The following UGGT2 variants were observed in gnomAD, a reference collection of about 807,000 sequenced individuals.
UGGT2 encodes UDP-glucose glycoprotein glucosyltransferase 2, also known as UDP-glucose:glycoprotein glucosyltransferase 2.
UGGT2 carries 180 observed loss-of-function variants against 192.1 expected under a neutral mutation model. The observed-to-expected ratio is 0.94, with a 90% CI of 0.83 to 1.06. The LOEUF (loss-of-function observed/expected upper bound fraction) is 1.06, where lower values mean the gene tolerates loss of function less well. UGGT2 is among the 50% of genes least tolerant of loss of function. The pLI, the probability that UGGT2 is intolerant of heterozygous loss-of-function variation, is 0.00. For synonymous variants in UGGT2, 580 were observed against 591.0 expected (o/e 0.98, Z 0.27); for missense variants, 1,849 against 1,795.7 (o/e 1.03, Z -0.54).
Position 95,860,878 on chromosome 13 carries a change from G to A in UGGT2, c.3650C>T (p.Thr1217Ile). 1 of 1,547,736 alleles carries A rather than the reference G, an allele frequency of 6.5e-7. No individual in the cohort carries two copies. The highest frequency in any genetic ancestry group is 8.7e-7 in the Non-Finnish European group (1 of 1,148,704). ...TTTGTTTTCTTTATGCAAGCTTACT[G>A]TGAAACTTGGAATAAAAAAGTAATT... ...KGLWDSIKSF[T>I]VSLHKENKKE... is the part of the protein sequence containing the mutation. Residue 1217 changes from threonine to isoleucine, a missense_variant, in exon 32 of 39, where the codon ACA (threonine) becomes ATA (isoleucine). Coordinates refer to ENST00000376747, the MANE Select transcript of UGGT2 (RefSeq NM_020121.4).
rs369051560 is a variant in UGGT2, at chr13:95,902,916, C to T, written c.2440G>A (p.Ala814Thr). The T allele has an allele frequency of 6.2e-7, 1 of 1,613,454 alleles. No homozygotes were observed. Among genetic ancestry groups the T allele is most frequent in the Non-Finnish European group, 8.5e-7 (1 of 1,179,640 alleles). The change falls in exon 21 of 39, where the codon GCA becomes ACA. Residue 814 changes from alanine to threonine, a missense_variant. Physicochemically the swap from Ala to Thr is moderately conservative, Grantham distance 58 (BLOSUM62 0). Transcript: ENST00000376747. ...ATAGCTGTAGCAATTTCTTCCTTTG[C>T]CAGTTGCCCAAGAAAGCTTCTCAAA... ...MFLRSFLGQL[A>T]KEEIATAIYS...
intron 27 of UGGT2, 95 bp from the exon 28 acceptor site, chr13:95,877,951 A>G: frequency 1.5e-6 from 2 of 1,303,662 alleles, no homozygotes; most frequent in South Asian, 1.6e-5. Context: ...ATATTGGCCA[A>G]TGTATTTTGG....
intron 26 of UGGT2, among the ~76,000 whole-genome samples, chr13:95,885,020 A>G (rs1877475): frequency 0.22 from 32,878 of 152,100 alleles, 3,644 homozygotes; most frequent in East Asian, 0.26. Flanking sequence ...AAATCTGACC[A>G]TGGTCTATTT....
chr13:95,838,154 T>G (rs899897434), intron 36 of UGGT2, among the ~76,000 whole-genome samples: 1 of 152,202 alleles, frequency 6.6e-6, no homozygotes, highest in Non-Finnish European at 1.5e-5. Flanking sequence ...CTTTTCTATA[T>G]ACCAGCAATG....
At chr13:96,015,544 G>A (rs2052308970) in intron 4 of UGGT2, among the ~76,000 whole-genome samples, 1 of 152,122 alleles carries the variant, frequency 6.6e-6, no homozygotes. Flanking sequence ...TATACCTATA[G>A]AGGATGGCTG....
chr13:95,803,865 C>T (rs1884179783), intron 38 of UGGT2, among the ~76,000 whole-genome samples: 1 of 151,028 alleles, frequency 6.6e-6, no homozygotes, highest in African/African-American at 2.4e-5. Flanking sequence ...AGACCAGTAA[C>T]AAAAGAAAAA....
chr13:96,016,905 G>T (rs2052357018), intron 4 of UGGT2, among the ~76,000 whole-genome samples: 1 of 152,200 alleles, frequency 6.6e-6, no homozygotes, highest in African/African-American at 2.4e-5. Flanking sequence ...GTTGTATCCT[G>T]CAAAGTTAGA....
rs756404249 is a variant in UGGT2, at chr13:95,972,601, A to C, written c.1163T>G (p.Met388Arg). Residue 388 changes from methionine (M) to arginine (R), a missense_variant, in exon 11 of 39, where the codon ATG becomes AGG. Transcript: ENST00000376747. ...RLFINGLRVD[M>R]DVYDAFSILD... ...TTACCTAAAAGCGTCATAAACATCC[A>C]TATCAACACGAAGGCCATTTATAAA... 24 of 1,613,322 alleles carry C rather than the reference A, an allele frequency of 1.5e-5. No homozygotes were observed. Among genetic ancestry groups the C allele is most frequent in the Non-Finnish European group, 1.9e-5 (23 of 1,179,598 alleles).
intron 15 of UGGT2, among the ~76,000 whole-genome samples, chr13:95,941,455 C>T (rs1020447209): frequency 2.6e-5 from 4 of 152,056 alleles, no homozygotes; most frequent in Non-Finnish European, 4.4e-5. Flanking sequence ...AACTTTTCTC[C>T]TCCTATCAAA....
At chr13:95,955,704 A>C (rs1313662816) in intron 12 of UGGT2, among the ~76,000 whole-genome samples, 1 of 152,192 alleles carries the variant, frequency 6.6e-6, no homozygotes, top group African/African-American at 2.4e-5. Flanking sequence ...TAGAGGGTCA[A>C]GCCTCCCTAA....
intron 36 of UGGT2, among the ~76,000 whole-genome samples, chr13:95,851,826 C>T (rs1199192095): frequency 6.6e-6 from 1 of 152,110 alleles, no homozygotes; most frequent in East Asian, 1.9e-4. Context: ...AAAATGAATC[C>T]TTTCTTCAGT....
intron 10 of UGGT2, among the ~76,000 whole-genome samples, chr13:95,979,345 A>C (rs1276249910): frequency 6.6e-6 from 1 of 152,104 alleles, no homozygotes; most frequent in Non-Finnish European, 1.5e-5. Flanking sequence ...TTTTTGAATA[A>C]TCTTTGCTTG....
intron 8 of UGGT2, among the ~76,000 whole-genome samples, chr13:95,988,337 C>A (rs1353603507): frequency 6.6e-6 from 1 of 152,038 alleles, no homozygotes; most frequent in Non-Finnish European, 1.5e-5. Flanking sequence ...GACACAAGGC[C>A]AAAATCAGAT....
chr13:96,003,898 A>T (rs1430363558), intron 5 of UGGT2, among the ~76,000 whole-genome samples: 1 of 152,230 alleles, frequency 6.6e-6, no homozygotes, highest in African/African-American at 2.4e-5. Context: ...AAAGCAATTC[A>T]GACACAGACA....
intron 27 of UGGT2, among the ~76,000 whole-genome samples, chr13:95,879,211 C>G (rs920489945): frequency 6.6e-6 from 1 of 152,096 alleles, no homozygotes; most frequent in African/African-American, 2.4e-5. Flanking sequence ...AATACACTTA[C>G]CCAGTTTGTG....
intron 20 of UGGT2, among the ~76,000 whole-genome samples, chr13:95,924,024 C>T (rs564110164): frequency 9.2e-5 from 14 of 152,008 alleles, no homozygotes; most frequent in African/African-American, 2.6e-4. Context: ...TATCTTTTTT[C>T]AATTTTTATA....
chr13:95,988,297 G>C (rs1228474671), intron 8 of UGGT2, among the ~76,000 whole-genome samples: 1 of 152,088 alleles, frequency 6.6e-6, no homozygotes, highest in Non-Finnish European at 1.5e-5. Flanking sequence ...TTTGATCAGG[G>C]ATGTACAAGT....
At chr13:95,876,676 T>C (rs1732834678) in intron 29 of UGGT2, among the ~76,000 whole-genome samples, 1 of 152,174 alleles carries the variant, frequency 6.6e-6, no homozygotes, top group Non-Finnish European at 1.5e-5. Context: ...ATGTAAATTA[T>C]CCTACACTCT....
chr13:96,012,412 T>C (rs1399055569), intron 5 of UGGT2, among the ~76,000 whole-genome samples: 1 of 151,980 alleles, frequency 6.6e-6, no homozygotes, highest in Non-Finnish European at 1.5e-5. Flanking sequence ...ACAAGTAATA[T>C]TTGTAAAAGA....
Sources: gnomAD v4.1 joint callset for allele counts (sites outside exome capture counted in the v4.1 genomes callset) on GRCh38, gnomAD v4.1.1 for gene constraint, MANE v1.5 for transcripts, NCBI Gene and HGNC (gene_info 2026-07-23, HGNC 2026-07-21) for gene names.